Variants in CDKL4 observed in about 807,000 individuals in gnomAD.
CDKL4 encodes the protein cyclin-dependent kinase-like 4.
Under a neutral mutation model 42.0 loss-of-function variants are expected in CDKL4, and 44 were observed. The ratio of observed to expected loss-of-function variants is 1.05; its 90% confidence interval spans 0.82 to 1.35. The LOEUF is 1.35. Ranked by LOEUF, CDKL4 falls within the 40% of genes most tolerant of loss-of-function variation. The probability of loss-of-function intolerance (pLI) is 0.00; values close to 1 mark genes in which losing one functional copy is unlikely to be tolerated. For synonymous variants in CDKL4, 120 were observed against 121.6 expected (o/e 0.99, Z 0.09); for missense variants, 393 against 369.9 (o/e 1.06, Z -0.51).
intron 7 of CDKL4, 42 bp from the exon 8 acceptor site, chr2:39,184,689 A>C: frequency 7.4e-7 from 1 of 1,346,336 alleles, no homozygotes; most frequent in East Asian, 2.3e-5. Context: ...CATAAGAACA[A>C]AGTAATATGT....
chr2:39,197,291 A>C (rs546063360), intron 5 of CDKL4, among the ~76,000 whole-genome samples: 9 of 152,200 alleles, frequency 5.9e-5, no homozygotes, highest in Non-Finnish European at 8.8e-5. Context: ...AGAAAAAAAG[A>C]ATTAAAAAAA....
intron 1 of CDKL4, among the ~76,000 whole-genome samples, chr2:39,242,162 C>CCTG (rs1397879358): frequency 2.0e-5 from 3 of 152,156 alleles, no homozygotes; most frequent in Non-Finnish European, 2.9e-5. Flanking sequence ...TCTCCTGCCT[C>CCTG]AGCCTCTTGA....
chr2:39,236,191 T>C (rs1679367082), intron 1 of CDKL4, among the ~76,000 whole-genome samples: 1 of 143,280 alleles, frequency 7.0e-6, no homozygotes, highest in Admixed American at 6.9e-5. Flanking sequence ...AAAAATCCTG[T>C]AGATGGGACA....
chr2:39,179,413 T>A (rs1022164319), intron 8 of CDKL4, 92 bp from the exon 9 acceptor site: 2 of 1,063,502 alleles, frequency 1.9e-6, no homozygotes, highest in Non-Finnish European at 2.7e-6. Flanking sequence ...AGGATAAATA[T>A]GAGTTTAGAA....
intron 1 of CDKL4, among the ~76,000 whole-genome samples, chr2:39,239,214 C>A (rs1679524657): frequency 6.7e-6 from 1 of 149,314 alleles, no homozygotes; most frequent in African/African-American, 2.5e-5. Flanking sequence ...TCAAAATGGA[C>A]AAAGACCAAA....
chr2:39,217,354 G>T (rs988330560), intron 3 of CDKL4, among the ~76,000 whole-genome samples: 44 of 152,234 alleles, frequency 2.9e-4, no homozygotes, highest in African/African-American at 1.0e-3. Context: ...TAACAAGATA[G>T]GGTAACATGA....
intron 9 of CDKL4, chr2:39,178,911 A>C: frequency 6.9e-7 from 1 of 1,451,476 alleles, no homozygotes; most frequent in Non-Finnish European, 9.1e-7. Flanking sequence ...TGGGTATACG[A>C]TCTTGTGGGT....
intron 2 of CDKL4, among the ~76,000 whole-genome samples, chr2:39,226,185 C>A (rs1678702516): frequency 6.6e-6 from 1 of 151,422 alleles, no homozygotes; most frequent in South Asian, 2.1e-4. Flanking sequence ...TATGGAAATT[C>A]TATATATACA....
chr2:39,179,017 T>C, intron 9 of CDKL4, 170 bp downstream of exon 9: 1 of 1,464,120 alleles, frequency 6.8e-7, no homozygotes, highest in Non-Finnish European at 9.0e-7. Context: ...ATTTTCATAG[T>C]TCTATGGTTT....
chr2:39,231,892 G>A (rs990484210), intron 1 of CDKL4, among the ~76,000 whole-genome samples: 5 of 152,140 alleles, frequency 3.3e-5, no homozygotes, highest in African/African-American at 1.2e-4. Flanking sequence ...ATTACTTCCT[G>A]GGTGACAGAG....
upstream of CDKL4, among the ~76,000 whole-genome samples, chr2:39,244,542 A>G (rs1235058784): frequency 6.6e-6 from 1 of 152,200 alleles, no homozygotes; most frequent in Non-Finnish European, 1.5e-5. Context: ...GCAGCCCGCC[A>G]TACCTGAGCC....
intron 3 of CDKL4, among the ~76,000 whole-genome samples, chr2:39,221,359 G>C (rs1678358879): frequency 6.6e-6 from 1 of 151,998 alleles, no homozygotes; most frequent in Non-Finnish European, 1.5e-5. Context: ...TATCCTACGT[G>C]TTTCCTCTAG....
At chr2:39,209,006 A>C (rs757194158) in intron 4 of CDKL4, among the ~76,000 whole-genome samples, 15 of 151,912 alleles carry the variant, frequency 9.9e-5, no homozygotes, top group Non-Finnish European at 1.3e-4. Flanking sequence ...CTATCTCAGA[A>C]GTCATTTTTG....
intron 9 of CDKL4, chr2:39,178,631 C>A: frequency 6.3e-6 from 10 of 1,578,186 alleles, no homozygotes; most frequent in Non-Finnish European, 8.6e-6. Flanking sequence ...TCATAACAGT[C>A]ACCATACTGT....
chr2:39,241,866 G>A (rs1004342948), intron 1 of CDKL4, among the ~76,000 whole-genome samples: 1 of 152,094 alleles, frequency 6.6e-6, no homozygotes, highest in Admixed American at 6.5e-5. Context: ...CTACCGTAAT[G>A]TTATTTTTCT....
At chr2:39,234,274 G>T (rs1350898373) in intron 1 of CDKL4, among the ~76,000 whole-genome samples, 1 of 151,552 alleles carries the variant, frequency 6.6e-6, no homozygotes, top group East Asian at 1.9e-4. Flanking sequence ...GATATAAAAA[G>T]ATAGTTGATT....
downstream of CDKL4, among the ~76,000 whole-genome samples, chr2:39,170,851 T>A (rs1289212787): frequency 1.3e-5 from 2 of 152,322 alleles, no homozygotes; most frequent in Non-Finnish European, 2.9e-5. Context: ...TTTTGAGAAT[T>A]CTGTGACCAG....
At chr2:39,215,804 C>T (rs755392449) in intron 3 of CDKL4, among the ~76,000 whole-genome samples, 15 of 152,306 alleles carry the variant, frequency 9.8e-5, no homozygotes, top group Middle Eastern at 3.4e-3. Flanking sequence ...ATTATGGTGG[C>T]ATGTCCTTGA....
chr2:39,174,231 CG>C (rs1675079152), downstream of CDKL4, among the ~76,000 whole-genome samples: 3 of 151,834 alleles, frequency 2.0e-5, no homozygotes, highest in African/African-American at 7.3e-5. Flanking sequence ...ATAACGAGAC[CG>C]TATCTCTACA....
Sources: gnomAD v4.1 joint callset for allele counts (sites outside exome capture counted in the v4.1 genomes callset) on GRCh38, gnomAD v4.1.1 for gene constraint, MANE v1.5 for transcripts, NCBI Gene and HGNC (gene_info 2026-07-23, HGNC 2026-07-21) for gene names.